AGTPBP1: variants seen among roughly 807,000 people sequenced by gnomAD.
AGTPBP1 encodes ATP/GTP binding carboxypeptidase 1, also known as cytosolic carboxypeptidase 1.
Under a neutral mutation model 143.9 loss-of-function variants are expected in AGTPBP1, and 70 were observed. That is an observed-to-expected ratio of 0.49 (90% confidence interval 0.40 to 0.59). The LOEUF (loss-of-function observed/expected upper bound fraction) is 0.59, where lower values mean the gene tolerates loss of function less well. Among genes scored for constraint, AGTPBP1 ranks in the 20% least tolerant of loss-of-function variants. The pLI is 0.00. For missense variants in AGTPBP1, 1,229 were observed against 1,464.5 expected, an observed-to-expected ratio of 0.84 and a Z score of 2.62; for synonymous variants, 463 against 500.2, an observed-to-expected ratio of 0.93 and a Z score of 0.99.
rs904546045 is a variant in AGTPBP1 at position 85,681,751 on chromosome 9, T to TC, written c.158-417_158-416insG. On this transcript the variant is annotated intron_variant, in intron 3 of 25. Transcript: ENST00000357081. ...GCTATGATTGCATTAATATCTTTTT[T>TC]TTTTTTTTTTTTTTTTGAGACGGAG... Among the ~76,000 whole-genome samples the TC allele has an allele frequency of 5.5e-3, 794 of 145,374 alleles. 6 individuals are homozygous for TC. Among genetic ancestry groups the TC allele is most frequent in the African/African-American group, 0.02 (767 of 38,534 alleles).
intron 25 of AGTPBP1, among the ~76,000 whole-genome samples, chr9:85,572,489 C>A (rs369682259): frequency 1.3e-5 from 2 of 151,762 alleles, no homozygotes; most frequent in African/African-American, 4.8e-5. Flanking sequence ...CAAAGGAAAT[C>A]GATTATATGG....
the AGTPBP1 span, among the ~76,000 whole-genome samples, chr9:85,762,771 A>ATATATATATAAAACTT: frequency 2.0e-5 from 3 of 148,772 alleles, no homozygotes; most frequent in Non-Finnish European, 4.5e-5. Flanking sequence ...AAAGTTATAT[A>ATATATATATAAAACTT]TATATATATA....
the AGTPBP1 span, among the ~76,000 whole-genome samples, chr9:85,778,818 T>C: frequency 1.2e-3 from 177 of 152,314 alleles, 2 homozygotes; most frequent in Non-Finnish European, 2.2e-3. Context: ...GTTTGTCCAC[T>C]GAACTGAGGA....
chr9:85,587,678 C>T (rs539912014), intron 21 of AGTPBP1, among the ~76,000 whole-genome samples: 2 of 152,174 alleles, frequency 1.3e-5, no homozygotes, highest in South Asian at 2.1e-4. Context: ...GACATGTTAT[C>T]CTCATCTTTG....
At chr9:85,722,480 C>T (rs916973701) in intron 1 of AGTPBP1, among the ~76,000 whole-genome samples, 1 of 152,192 alleles carries the variant, frequency 6.6e-6, no homozygotes, top group Non-Finnish European at 1.5e-5. Flanking sequence ...GAAGCTTGTG[C>T]ATGCGTCACG....
chr9:85,797,353 T>C, the AGTPBP1 span, among the ~76,000 whole-genome samples: 2 of 152,092 alleles, frequency 1.3e-5, no homozygotes, highest in African/African-American at 2.4e-5. Flanking sequence ...CAAGCCATCC[T>C]CCTGCCTCAG....
chr9:85,648,856 T>C (rs918839046), intron 11 of AGTPBP1, among the ~76,000 whole-genome samples: 20 of 151,966 alleles, frequency 1.3e-4, no homozygotes, highest in African/African-American at 4.8e-4. Flanking sequence ...GTAGGAAAAA[T>C]GACTGCTTGG....
intron 14 of AGTPBP1, among the ~76,000 whole-genome samples, chr9:85,625,879 T>C (rs1287512918): frequency 4.8e-5 from 7 of 146,192 alleles, no homozygotes; most frequent in Admixed American, 1.4e-4. Context: ...AGCGAGACCC[T>C]GTCTCAAAAA....
intron 17 of AGTPBP1, among the ~76,000 whole-genome samples, chr9:85,606,177 A>C (rs1197664071): frequency 1.3e-5 from 2 of 152,132 alleles, no homozygotes; most frequent in African/African-American, 4.8e-5. Context: ...TATCCAAAAT[A>C]TACAAGGAAC....
In AGTPBP1 at chr9:85,728,030, TACACACACACACACACACAC is replaced by T. The variant is rs57676033; in HGVS notation, c.-34+13725_-34+13744del. ...CCGTGTCTCAAAATATATATTTATA[TACACACACACACACACACAC>T]ACACACACACACACACACACACACA... On this transcript the variant is annotated intron_variant, in intron 1 of 25. Transcript: ENST00000357081. 3.3e-4 allele frequency among the ~76,000 whole-genome samples: 43 copies of T among 128,434 alleles called. 3 individuals carry two copies. The East Asian group carries it at 8.4e-3, about 25-fold the overall frequency. The allele number at this position is 128,434 out of a possible 152,430, so 84.3% of individuals were successfully genotyped here.
chr9:85,681,491 T>C (rs1349393142), intron 3 of AGTPBP1, among the ~76,000 whole-genome samples, 156 bp from the exon 4 acceptor site: 1 of 152,178 alleles, frequency 6.6e-6, no homozygotes, highest in Non-Finnish European at 1.5e-5. Context: ...TGTTGCTAAT[T>C]CTACCATATG....
chr9:85,727,848 T>C (rs760801024), intron 1 of AGTPBP1, among the ~76,000 whole-genome samples: 7 of 151,724 alleles, frequency 4.6e-5, no homozygotes, highest in Non-Finnish European at 8.8e-5. Flanking sequence ...GATACCTCCA[T>C]CTCTACAAAA....
At chr9:85,621,874 C>G (rs1830960209) in intron 14 of AGTPBP1, among the ~76,000 whole-genome samples, 1 of 152,162 alleles carries the variant, frequency 6.6e-6, no homozygotes, top group African/African-American at 2.4e-5. Context: ...CTCCCTGAAT[C>G]AGTCCAACAA....
At chr9:85,630,432 TCTGTCACCCAG>T (rs997649832) in intron 14 of AGTPBP1, among the ~76,000 whole-genome samples, 6 of 151,566 alleles carry the variant, frequency 4.0e-5, no homozygotes, top group African/African-American at 1.2e-4. Context: ...AGAGTCTTGC[TCTGTCACCCAG>T]GCTGGAGTGC....
At chr9:85,595,284 C>A (rs1208993673) in intron 18 of AGTPBP1, among the ~76,000 whole-genome samples, 1 of 152,118 alleles carries the variant, frequency 6.6e-6, no homozygotes, top group Non-Finnish European at 1.5e-5. Flanking sequence ...GGCATTAGTG[C>A]CAGTAAAGCA....
intron 17 of AGTPBP1, among the ~76,000 whole-genome samples, chr9:85,617,969 C>G (rs150589215): frequency 1.7e-3 from 256 of 152,288 alleles, no homozygotes; most frequent in African/African-American, 5.9e-3. Context: ...GCTGGGCGCA[C>G]TGGCTCACAC....
chr9:85,697,485 C>A (rs1030151086), intron 2 of AGTPBP1, among the ~76,000 whole-genome samples: 2 of 101,198 alleles, frequency 2.0e-5, no homozygotes. Context: ...CAGAGTCTTG[C>A]TCTGTCGCCC....
At chr9:85,765,303 C>G in the AGTPBP1 span, among the ~76,000 whole-genome samples, 1 of 152,234 alleles carries the variant, frequency 6.6e-6, no homozygotes, top group Middle Eastern at 3.4e-3. Context: ...TTGAAGGATA[C>G]TAGGTAATTT....
At chr9:85,584,979 T>A (rs35319281) in intron 23 of AGTPBP1, among the ~76,000 whole-genome samples, 6,724 of 152,188 alleles carry the variant, frequency 0.044, 214 homozygotes, top group Non-Finnish European at 0.07. Context: ...CACAAATGGA[T>A]CCTAAAATTC....
Sources: allele counts gnomAD v4.1 joint callset (sites outside exome capture counted in the v4.1 genomes callset), GRCh38; gene constraint gnomAD v4.1.1; transcripts MANE v1.5; gene names NCBI Gene and HGNC (gene_info 2026-07-23, HGNC 2026-07-21).